The following ASPG variants were observed in gnomAD, a reference collection of about 807,000 sequenced individuals.
ASPG encodes 60 kDa lysophospholipase.
A neutral mutation model predicts 63.2 loss-of-function variants in ASPG; 53 were observed. The observed-to-expected ratio is 0.84, with a 90% confidence interval of 0.67 to 1.05. The LOEUF (loss-of-function observed/expected upper bound fraction) is 1.05. ASPG is among the 50% of genes least tolerant of loss of function. The pLI, the probability that ASPG is intolerant of heterozygous loss-of-function variation, is 0.00. For synonymous variants in ASPG, 370 were observed against 355.0 expected, an observed-to-expected ratio of 1.04 and a Z score of -0.48; for missense variants, 741 against 794.4, an observed-to-expected ratio of 0.93 and a Z score of 0.81.
In ASPG at chr14:104,113,993, G is replaced by C. The variant is rs147859127; in HGVS notation, c.*1449G>C. The C allele has an allele frequency of 6.1e-3, 927 of 152,474 alleles. 10 individuals are homozygous for C. Among genetic ancestry groups the C allele is most frequent in the Non-Finnish European group, 0.01 (687 of 68,118 alleles). The allele number at this position is 152,474 out of a possible 1,614,324, so 9.4% of individuals were successfully genotyped here. On this transcript the variant is annotated 3_prime_UTR_variant, in exon 16 of 16. Transcript: ENST00000551177. ...ACAAATGCCTGGTGCAGGTGAGAAG[G>C]GGTGGGACTACCTCCGGCATCCCTG...
chr14:104,098,887 G>A lies in ASPG; in HGVS notation c.548G>A (p.Gly183Asp), dbSNP rs1176390708. ...TTCTTCCAGAATCAGCTGTTTCGGGGCAACCGGGCAACCAAGGTAGACGCT... is the reference window on the plus strand; with the variant it reads ...TTCTTCCAGAATCAGCTGTTTCGGGACAACCGGGCAACCAAGGTAGACGCT... Reference protein sequence around the residue: ...CLFFQNQLFRGNRATKVDARR... With the variant: ...CLFFQNQLFRDNRATKVDARR... Residue 183 changes from glycine to aspartate, a missense_variant, in exon 6 of 16, where the codon GGC becomes GAC. By Grantham distance (94) the Gly-to-Asp change is moderately conservative. Transcript: ENST00000551177. 4 of 1,612,700 alleles carry A rather than the reference G, an allele frequency of 2.5e-6. 1 individual carries two copies. The highest frequency in any genetic ancestry group is 3.4e-6 in the Non-Finnish European group (4 of 1,179,722).
At chr14:104,099,893 C>T (rs999626605) in intron 6 of ASPG, among the ~76,000 whole-genome samples, 16 of 152,280 alleles carry the variant, frequency 1.1e-4, no homozygotes, top group African/African-American at 3.4e-4. Context: ...ACACCTCACC[C>T]GGGGCTGGGT....
rs905685402 is a variant in ASPG at position 104,090,978 on chromosome 14, G to A, written c.83-1655G>A. Reference sequence around the variant, plus strand: ...CCTGCCAGATTCAAGTGATTCTCCCGCCTCAACCTCCCAAGTAGCTGGGAT... The same window carrying A: ...CCTGCCAGATTCAAGTGATTCTCCCACCTCAACCTCCCAAGTAGCTGGGAT... On this transcript the variant is annotated intron_variant, in intron 1 of 15. Coordinates refer to ENST00000551177, the MANE Select transcript of ASPG (RefSeq NM_001080464.3). Among the ~76,000 whole-genome samples, 6 of 152,200 alleles carry A rather than the reference G, an allele frequency of 3.9e-5. No individual in the cohort carries two copies. In the South Asian group the frequency reaches 6.2e-4, roughly 16 times the overall value.
intron 1 of ASPG, among the ~76,000 whole-genome samples, chr14:104,089,236 G>T (rs986158948): frequency 1.4e-4 from 22 of 152,168 alleles, no homozygotes; most frequent in African/African-American, 5.3e-4. Flanking sequence ...CAGCTGACTG[G>T]GCGCGGTGGC....
chr14:104,107,362 T>A lies in ASPG; in HGVS notation c.1433+17T>A. On this transcript the variant is annotated intron_variant, in intron 12 of 15. Transcript: ENST00000551177. Reference sequence around the variant, plus strand: ...GCGGGGCAGGTAATGGAGCTAGGGCTGCACAGAGCTGCCTTGGACAGGTGG... The same window carrying A: ...GCGGGGCAGGTAATGGAGCTAGGGCAGCACAGAGCTGCCTTGGACAGGTGG... The A allele has an allele frequency of 6.7e-7, 1 of 1,502,832 alleles. No homozygotes were observed. Among genetic ancestry groups the A allele is most frequent in the Non-Finnish European group, 8.9e-7 (1 of 1,120,838 alleles). The allele number at this position is 1,502,832 out of a possible 1,614,324, so 93.1% of individuals were successfully genotyped here.
At chr14:104,102,080 G>C (rs2141022985) in intron 6 of ASPG, among the ~76,000 whole-genome samples, 1 of 152,234 alleles carries the variant, frequency 6.6e-6, no homozygotes, top group Middle Eastern at 3.4e-3. Flanking sequence ...CTTTGTCTCT[G>C]TGTAGCCCCC....
intron 4 of ASPG, 73 bp from the exon 5 acceptor site, chr14:104,097,481 C>A: frequency 6.9e-7 from 1 of 1,441,280 alleles, no homozygotes; most frequent in Non-Finnish European, 9.4e-7. Context: ...GGGGGTTTAC[C>A]TGGAGAGATG....
At chr14:104,108,432 C>T in intron 12 of ASPG, 8 of 985,430 alleles carry the variant, frequency 8.1e-6, no homozygotes, top group Non-Finnish European at 9.6e-6. Flanking sequence ...ACCGGTCTCC[C>T]AGCCTCGCTC....
At chr14:104,108,649 G>C (rs551625496) in intron 12 of ASPG, 5 of 985,294 alleles carry the variant, frequency 5.1e-6, no homozygotes, top group African/African-American at 1.7e-5. Context: ...CTCCGGCCTC[G>C]GGCCTTTGTG....
rs1232773038 is a variant in ASPG at position 104,109,406 on chromosome 14, T to G, written c.1520+91T>G. 3.5e-6 allele frequency: 5 copies of G among 1,409,358 alleles called. No homozygotes were observed. The highest frequency in any genetic ancestry group is 4.8e-6 in the Non-Finnish European group (5 of 1,048,194). The allele number at this position is 1,409,358 out of a possible 1,614,324, so 87.3% of individuals were successfully genotyped here. ...AGACCTGCTGGGAGGGACAAGTGAG[T>G]CAGGGTGTGGGGGCTTTCAGAGGCG... is the stretch of plus-strand genomic sequence containing the variant. On this transcript the variant is annotated intron_variant, in intron 13 of 15. Coordinates refer to ENST00000551177, the MANE Select transcript of ASPG (RefSeq NM_001080464.3). The surrounding 1 kb of genome is among the most constrained non-coding windows in gnomAD (Gnocchi z 4.8).
At position 104,111,944 on chromosome 14, in the gene ASPG, G is replaced by A; in HGVS notation, c.1645G>A (p.Val549Met). 1 of 1,557,232 alleles carries A rather than the reference G, an allele frequency of 6.4e-7. No individual in the cohort carries two copies. The highest frequency in any genetic ancestry group is 8.7e-7 in the Non-Finnish European group (1 of 1,150,202). Residue 549 changes from valine (V) to methionine (M), a missense_variant, in exon 15 of 16, where the codon GTG becomes ATG. Transcript: ENST00000551177. ...HVAEAAGNLA[V>M]VAFLQSLEGA... ...GGCAGAGGCAGCCGGGAACCTGGCA[G>A]TGGTGGCCTTTCTACAGAGCCTGGA...
chr14:104,100,396 C>T (rs2036822404), intron 6 of ASPG, among the ~76,000 whole-genome samples: 1 of 152,166 alleles, frequency 6.6e-6, no homozygotes, highest in South Asian at 2.1e-4. Context: ...GGCTCGGTGG[C>T]TGACTTGCTT....
intron 3 of ASPG, 86 bp from the exon 4 acceptor site, chr14:104,095,445 C>G (rs1164455109): frequency 6.3e-7 from 1 of 1,578,518 alleles, no homozygotes; most frequent in Non-Finnish European, 8.6e-7. Flanking sequence ...CTCCTCTCTG[C>G]ATCCGGACCC....
At chr14:104,097,931 CGTATGGAGGTTCTGT>C (rs2141006194) in intron 5 of ASPG, among the ~76,000 whole-genome samples, 1 of 125,092 alleles carries the variant, frequency 8.0e-6, no homozygotes, top group South Asian at 3.1e-4. Flanking sequence ...GTTAGAGATG[CGTATGGAGGTTCTGT>C]GTTAGAGATG....
At chr14:104,105,532 C>T (rs992733864) in intron 10 of ASPG, 82 bp downstream of exon 10, 10 of 1,458,178 alleles carry the variant, frequency 6.9e-6, no homozygotes, top group Middle Eastern at 2.4e-4. Flanking sequence ...CAGGCAGGCA[C>T]GAGCCCCTGT....
At position 104,097,637 on chromosome 14, in the gene ASPG, G is replaced by GGTAC. The variant is rs1566829740; in HGVS notation, c.513+1_513+4dup. The GGTAC allele has an allele frequency of 6.4e-7, 1 of 1,561,806 alleles. No homozygotes were observed. Among genetic ancestry groups the GGTAC allele is most frequent in the Non-Finnish European group, 8.7e-7 (1 of 1,153,962 alleles). On this transcript the variant is annotated frameshift_variant and splice_region_variant. Coordinates refer to ENST00000551177, the MANE Select transcript of ASPG (RefSeq NM_001080464.3). LOFTEE classifies it high-confidence loss of function. Reference sequence around the variant, plus strand: ...TGGCTGGCCAGTATGTGATCCCAGAGGTACCTGCCTGGTGCACGTGGAGGC... The same window carrying GGTAC: ...TGGCTGGCCAGTATGTGATCCCAGAGGTACGTACCTGCCTGGTGCACGTGGAGGC...
rs746459927 is a variant in ASPG, at chr14:104,093,324, G to T, written c.192-167G>T. 7.2e-6 allele frequency: 5 copies of T among 691,374 alleles called. No individual in the cohort carries two copies. The African/African-American group carries it at 8.8e-5, about 12-fold the overall frequency. The allele number at this position is 691,374 out of a possible 1,614,324, so 42.8% of individuals were successfully genotyped here. Reference sequence around the variant, plus strand: ...CTGTGGGGAGCTCCAGGTGGAAGGGGGGCCGGGCCCCGTACCTGGGATGCT... The same window carrying T: ...CTGTGGGGAGCTCCAGGTGGAAGGGTGGCCGGGCCCCGTACCTGGGATGCT... On this transcript the variant is annotated intron_variant, in intron 2 of 15. Transcript: ENST00000551177.
At chr14:104,098,151 C>A (rs370693431) in intron 5 of ASPG, among the ~76,000 whole-genome samples, 2,187 of 96,212 alleles carry the variant, frequency 0.023, no homozygotes, top group Non-Finnish European at 0.028. Flanking sequence ...TATGGAGGTT[C>A]TGCGTTAGAG....
In ASPG at chr14:104,110,808, C is replaced by T; in HGVS notation, c.1521-694C>T. The stretch of plus-strand genomic sequence containing the variant: ...CCTTCCCTGCCGGGTCCCCACCTGG[C>T]CTGCTCCTGGCCTCCCCAGGTGGCG... On this transcript the variant is annotated intron_variant, in intron 13 of 15. Coordinates refer to ENST00000551177, the MANE Select transcript of ASPG (RefSeq NM_001080464.3). This position sits in a 1 kb window ranked among gnomAD's most constrained non-coding sequence, Gnocchi z 4.7. 1 of 985,210 alleles carries T rather than the reference C, an allele frequency of 1.0e-6. No individual in the cohort carries two copies. Among genetic ancestry groups the T allele is most frequent in the Non-Finnish European group, 1.2e-6 (1 of 829,724 alleles). The allele number at this position is 985,210 out of a possible 1,614,324, so 61.0% of individuals were successfully genotyped here.
Sources: gnomAD v4.1 joint callset for allele counts (sites outside exome capture counted in the v4.1 genomes callset) on GRCh38, gnomAD v4.1.1 for gene constraint, Gnocchi (gnomAD v3.1) non-coding constraint, MANE v1.5 for transcripts, NCBI Gene and HGNC (gene_info 2026-07-23, HGNC 2026-07-21) for gene names.